Variants in SYNRG observed in about 807,000 individuals in gnomAD.
The protein encoded by SYNRG is synergin gamma, also known as AP1 gamma subunit binding protein 1.
SYNRG carries 37 observed loss-of-function variants against 130.9 expected under a neutral mutation model. The observed-to-expected ratio is 0.28, with a 90% CI of 0.22 to 0.37. SYNRG has a LOEUF of 0.37. Among genes scored for constraint, SYNRG ranks in the 10% least tolerant of loss-of-function variants. SYNRG has a pLI of 1.00. For synonymous variants in SYNRG, 539 were observed against 568.1 expected (o/e 0.95, Z 0.73); for missense variants, 1,338 against 1,588.9 (o/e 0.84, Z 2.68).
At chr17:37,555,773 G>A (rs2059073541) in intron 13 of SYNRG, among the ~76,000 whole-genome samples, 6 of 152,078 alleles carry the variant, frequency 3.9e-5, no homozygotes, top group Admixed American at 3.9e-4. Flanking sequence ...GGGCATGGAG[G>A]CACATGCCTG....
chr17:37,584,896 G>A, intron 5 of SYNRG, 137 bp from the exon 6 acceptor site: 1 of 636,728 alleles, frequency 1.6e-6, no homozygotes. Flanking sequence ...AATTATCCAA[G>A]TCAGCAAGAC....
chr17:37,589,440 A>T (rs1411869037), intron 3 of SYNRG, among the ~76,000 whole-genome samples: 3 of 152,200 alleles, frequency 2.0e-5, no homozygotes, highest in Non-Finnish European at 4.4e-5. Context: ...TAATCATAGA[A>T]ATCAATAAAT....
At chr17:37,555,198 T>A (rs1436380124) in intron 13 of SYNRG, among the ~76,000 whole-genome samples, 1 of 152,032 alleles carries the variant, frequency 6.6e-6, no homozygotes, top group African/African-American at 2.4e-5. Flanking sequence ...GTGATCTCAG[T>A]TCACTGCAAC....
intron 1 of SYNRG, chr17:37,601,104 G>C (rs1295639574): frequency 6.6e-6 from 1 of 152,490 alleles, no homozygotes; most frequent in Admixed American, 6.6e-5. Flanking sequence ...TTTCGCTCTT[G>C]TTGCCCAGGC....
intron 3 of SYNRG, among the ~76,000 whole-genome samples, chr17:37,588,278 T>C (rs77018354): frequency 0.011 from 1,705 of 149,888 alleles, 24 homozygotes; most frequent in African/African-American, 0.04. Context: ...TTTTTTTTTT[T>C]TTGAGACAGG....
chr17:37,519,149 A>C, intron 21 of SYNRG, 78 bp from the exon 22 acceptor site: 1 of 1,566,518 alleles, frequency 6.4e-7, no homozygotes, highest in Admixed American at 1.8e-5. Context: ...CAACATGTAC[A>C]TCTATCTCTC....
At position 37,515,719 on chromosome 17, in the gene SYNRG, A is replaced by G. The variant is rs1469491096; in HGVS notation, c.*3221T>C. 1 of 152,312 alleles carries G rather than the reference A, an allele frequency of 6.6e-6. No individual in the cohort carries two copies. Among genetic ancestry groups the G allele is most frequent in the Non-Finnish European group, 1.5e-5 (1 of 68,124 alleles). 9.4% of individuals were successfully genotyped at this position (152,312 alleles called of 1,614,324 possible). ...GGTGATCCACCCGGCTCGGCCTCCC[A>G]AAGTGCTGGGGATTACAGGCGTGAG... On this transcript the variant is annotated 3_prime_UTR_variant, in exon 22 of 22. Transcript: ENST00000612223.
At chr17:37,558,536 A>C (rs762877973) in intron 13 of SYNRG, among the ~76,000 whole-genome samples, 4 of 152,238 alleles carry the variant, frequency 2.6e-5, no homozygotes, top group Non-Finnish European at 5.9e-5. Context: ...GTTTTTACAT[A>C]TATGACTCCC....
chr17:37,578,849 C>T (rs897774538), intron 6 of SYNRG, among the ~76,000 whole-genome samples: 7 of 152,142 alleles, frequency 4.6e-5, no homozygotes, highest in Admixed American at 4.6e-4. Flanking sequence ...CGGTGAATCT[C>T]CCAAACAACA....
chr17:37,520,082 GA>G, intron 21 of SYNRG, 96 bp downstream of exon 21: 3 of 1,341,410 alleles, frequency 2.2e-6, no homozygotes, highest in Non-Finnish European at 3.2e-6. Flanking sequence ...TTCATGATTG[GA>G]ACAGTTCAGG....
chr17:37,525,589 T>C (rs542612874), intron 19 of SYNRG, among the ~76,000 whole-genome samples: 2 of 152,272 alleles, frequency 1.3e-5, no homozygotes, highest in South Asian at 2.1e-4. Context: ...CCCCAGCACT[T>C]TGGGAGGCCG....
In SYNRG at chr17:37,554,112, T is replaced by C. The variant is rs2058919976; in HGVS notation, c.1664-53A>G. 4 of 1,497,962 alleles carry C rather than the reference T, an allele frequency of 2.7e-6. No homozygotes were observed. In the South Asian group the frequency reaches 3.7e-5, roughly 14 times the overall value. The allele number at this position is 1,497,962 out of a possible 1,614,324, so 92.8% of individuals were successfully genotyped here. A position where few individuals can be genotyped will look rare whatever the true frequency, so the allele number is the denominator to read the frequency against. On this transcript the variant is annotated intron_variant, in intron 13 of 21. Transcript: ENST00000612223. ...TGGGAATGCTGAACTGAAAACCATA[T>C]AATACACAGTATATTAAACTGCAAG... is the stretch of plus-strand genomic sequence containing the variant.
intron 14 of SYNRG, among the ~76,000 whole-genome samples, chr17:37,543,860 A>G (rs1422089191): frequency 1.3e-5 from 2 of 152,224 alleles, no homozygotes; most frequent in Non-Finnish European, 2.9e-5. Flanking sequence ...GTTGATATGC[A>G]TTTCGTTTCA....
chr17:37,605,319 T>C (rs1467170495), intron 1 of SYNRG, among the ~76,000 whole-genome samples: 1 of 152,252 alleles, frequency 6.6e-6, no homozygotes, highest in Non-Finnish European at 1.5e-5. Context: ...ATTAGTCATA[T>C]GGCCTAGAGG....
intron 3 of SYNRG, among the ~76,000 whole-genome samples, chr17:37,595,880 G>A (rs1295375326): frequency 3.3e-5 from 5 of 150,912 alleles, no homozygotes; most frequent in African/African-American, 9.7e-5. Context: ...TCAGCCTCCC[G>A]AGTAGCTGGG....
intron 8 of SYNRG, among the ~76,000 whole-genome samples, chr17:37,575,206 GT>G (rs757167072): frequency 3.3e-5 from 5 of 152,196 alleles, no homozygotes; most frequent in Non-Finnish European, 5.9e-5. Flanking sequence ...TAAAAATATA[GT>G]TGGATAGGAG....
chr17:37,586,986 C>T (rs1366928587), intron 3 of SYNRG, among the ~76,000 whole-genome samples: 2 of 151,908 alleles, frequency 1.3e-5, no homozygotes, highest in Non-Finnish European at 2.9e-5. Flanking sequence ...TCTGATTTTC[C>T]AATATATATG....
At chr17:37,527,194 T>C (rs1348118336) in intron 19 of SYNRG, among the ~76,000 whole-genome samples, 3 of 152,222 alleles carry the variant, frequency 2.0e-5, no homozygotes, top group Non-Finnish European at 4.4e-5. Flanking sequence ...TGACTAAAAT[T>C]CAGGCGAATA....
chr17:37,522,568 A>T (rs1418005616), intron 19 of SYNRG, among the ~76,000 whole-genome samples: 1 of 151,692 alleles, frequency 6.6e-6, no homozygotes, highest in Non-Finnish European at 1.5e-5. Context: ...CCTGGGCTCA[A>T]GCAATCCTCC....
Sources: gnomAD v4.1 joint callset for allele counts (sites outside exome capture counted in the v4.1 genomes callset) on GRCh38, gnomAD v4.1.1 for gene constraint, MANE v1.5 for transcripts, NCBI Gene and HGNC (gene_info 2026-07-23, HGNC 2026-07-21) for gene names.